NEGR1: variants seen among roughly 807,000 people sequenced by gnomAD.
NEGR1 encodes neuronal growth regulator 1.
In NEGR1, 10 loss-of-function variants were observed where a neutral mutation model predicts 40.9. That is an observed-to-expected ratio of 0.24 (90% CI 0.15 to 0.42). The LOEUF is 0.42. Ranked by LOEUF, NEGR1 falls within the 10% of genes least tolerant of loss-of-function variation. The pLI, the probability that NEGR1 is intolerant of heterozygous loss-of-function variation, is 1.00. For missense variants in NEGR1, 352 were observed against 438.9 expected (o/e 0.80, Z 1.77); for synonymous variants, 185 against 166.8 (o/e 1.11, Z -0.84).
chr1:71,698,276 GTTC>G, intron 3 of NEGR1, 137 bp from the exon 4 acceptor site: 1 of 739,666 alleles, frequency 1.4e-6, no homozygotes, highest in East Asian at 2.7e-5. Context: ...TAAACCTTTT[GTTC>G]TTCTATGTTC....
At chr1:71,979,823 G>A (rs1382493666) in intron 1 of NEGR1, among the ~76,000 whole-genome samples, 2 of 151,938 alleles carry the variant, frequency 1.3e-5, no homozygotes, top group Admixed American at 6.6e-5. Flanking sequence ...GGAATGAGGG[G>A]TGGGCTGAAA....
intron 1 of NEGR1, among the ~76,000 whole-genome samples, chr1:72,124,880 T>G (rs1570003654): frequency 6.6e-6 from 1 of 152,260 alleles, no homozygotes; most frequent in African/African-American, 2.4e-5. Flanking sequence ...TATATGATTT[T>G]AAAAGACTAT....
chr1:72,179,091 A>G (rs1340536844), intron 1 of NEGR1, among the ~76,000 whole-genome samples: 1 of 152,008 alleles, frequency 6.6e-6, no homozygotes, highest in African/African-American at 2.4e-5. Flanking sequence ...GCTGATGTCC[A>G]GAATGGTATT....
At chr1:71,597,470 C>CTGTGTGTGTGTGTGTGTGTGTGTG (rs1365847832) in intron 5 of NEGR1, among the ~76,000 whole-genome samples, 1 of 24,794 alleles carries the variant, frequency 4.0e-5, no homozygotes, top group African/African-American at 7.4e-5. Context: ...CTCTCTCTCT[C>CTGTGTGTGTGTGTGTGTGTGTGTG]TCTGTGTGTG....
intron 6 of NEGR1, among the ~76,000 whole-genome samples, chr1:71,510,000 G>C (rs1282951550): frequency 6.6e-6 from 1 of 152,190 alleles, no homozygotes; most frequent in East Asian, 1.9e-4. Context: ...TACTGCCCCA[G>C]ATGGGACCAT....
intron 6 of NEGR1, among the ~76,000 whole-genome samples, chr1:71,574,762 C>A (rs1452663261): frequency 1.3e-5 from 2 of 152,076 alleles, no homozygotes; most frequent in African/African-American, 4.8e-5. Context: ...AATTTATTTC[C>A]CTTAGCCCAT....
At chr1:71,658,723 C>T (rs1417801979) in intron 4 of NEGR1, among the ~76,000 whole-genome samples, 1 of 152,000 alleles carries the variant, frequency 6.6e-6, no homozygotes, top group Non-Finnish European at 1.5e-5. Context: ...AAAGTATATA[C>T]CCTTATCTTA....
intron 6 of NEGR1, among the ~76,000 whole-genome samples, chr1:71,440,005 G>T (rs532306411): frequency 1.9e-3 from 289 of 151,830 alleles, no homozygotes; most frequent in Non-Finnish European, 3.0e-3. Flanking sequence ...TAATTTTATT[G>T]TTTTATTTTA....
chr1:72,268,612 T>C (rs1342240317), intron 1 of NEGR1, among the ~76,000 whole-genome samples: 1 of 151,240 alleles, frequency 6.6e-6, no homozygotes, highest in African/African-American at 2.4e-5. Context: ...AAATAACAGA[T>C]TACCTATAGG....
At position 71,399,866 on chromosome 1, in the gene NEGR1, A is replaced by AT. The variant is rs1451678926; in HGVS notation, c.*7579dup. On this transcript the variant is annotated 3_prime_UTR_variant, in exon 7 of 7. Transcript: ENST00000357731. ...AAGAGTTCTGTGGCTCTTACTAGGT[A>AT]TTTTTAGAACAATCAAGAGAATTTT... 3 of 152,196 alleles carry AT rather than the reference A, an allele frequency of 2.0e-5. No homozygotes were observed. Among genetic ancestry groups the AT allele is most frequent in the Non-Finnish European group, 4.4e-5 (3 of 68,024 alleles). The allele number at this position is 152,196 out of a possible 1,614,324, so 9.4% of individuals were successfully genotyped here. A position where few individuals can be genotyped will look rare whatever the true frequency, so the allele number is the denominator to read the frequency against.
rs67987005 is a variant in NEGR1, at chr1:72,077,655, A to AATAT, written c.177-142345_177-142344insATAT. 1.7e-3 allele frequency among the ~76,000 whole-genome samples: 263 copies of AATAT among 151,010 alleles called. 32 individuals carry two copies. The highest frequency in any genetic ancestry group is 3.4e-3 in the Middle Eastern group (1 of 290). The stretch of plus-strand genomic sequence containing the variant: ...AAATAAATAAATAAATAAATAAATA[A>AATAT]ATAAATAAATAGGCCGGTGCAGTGG... On this transcript the variant is annotated intron_variant, in intron 1 of 6. Coordinates refer to ENST00000357731, the MANE Select transcript of NEGR1 (RefSeq NM_173808.3).
intron 6 of NEGR1, among the ~76,000 whole-genome samples, chr1:71,510,142 T>C (rs1361590135): frequency 2.6e-5 from 4 of 152,218 alleles, no homozygotes; most frequent in Admixed American, 2.0e-4. Flanking sequence ...TCAATCCTTA[T>C]ATCTCTCATA....
intron 1 of NEGR1, among the ~76,000 whole-genome samples, chr1:72,268,930 C>A (rs1655749749): frequency 6.6e-6 from 1 of 151,336 alleles, no homozygotes; most frequent in South Asian, 2.1e-4. Context: ...AAAAATAGTA[C>A]TGCACTGGAA....
At chr1:72,223,285 C>T (rs1037093119) in intron 1 of NEGR1, among the ~76,000 whole-genome samples, 3 of 152,084 alleles carry the variant, frequency 2.0e-5, no homozygotes, top group Admixed American at 2.0e-4. Context: ...ATTTGGTAGG[C>T]AGCAATATAA....
chr1:71,537,183 G>A (rs995553018), intron 6 of NEGR1, among the ~76,000 whole-genome samples: 1 of 151,622 alleles, frequency 6.6e-6, no homozygotes, highest in Non-Finnish European at 1.5e-5. Flanking sequence ...AGGTAGATAT[G>A]AGCATTAATT....
intron 1 of NEGR1, among the ~76,000 whole-genome samples, chr1:72,094,179 A>T (rs896953710): frequency 6.6e-6 from 1 of 152,190 alleles, no homozygotes; most frequent in Non-Finnish European, 1.5e-5. Flanking sequence ...AACTTAAAAA[A>T]TAAGCTCACA....
At chr1:71,703,721 C>A (rs1653781852) in intron 3 of NEGR1, among the ~76,000 whole-genome samples, 1 of 151,344 alleles carries the variant, frequency 6.6e-6, no homozygotes, top group Admixed American at 6.6e-5. Context: ...GAAGGCAGAG[C>A]AAGAGTACAT....
At chr1:71,866,796 G>C (rs1660126630) in intron 2 of NEGR1, among the ~76,000 whole-genome samples, 1 of 152,180 alleles carries the variant, frequency 6.6e-6, no homozygotes, top group African/African-American at 2.4e-5. Flanking sequence ...AACGTGGTAA[G>C]AAGTGATAGT....
chr1:71,564,634 T>C (rs357217), intron 6 of NEGR1, among the ~76,000 whole-genome samples: 150,341 of 152,218 alleles, frequency 0.99, 74,266 homozygotes, highest in East Asian at 1. Flanking sequence ...AATCGCAATT[T>C]TTGTTGATAG....
Sources: gnomAD v4.1 joint callset for allele counts (sites outside exome capture counted in the v4.1 genomes callset) on GRCh38, gnomAD v4.1.1 for gene constraint, MANE v1.5 for transcripts, NCBI Gene and HGNC (gene_info 2026-07-23, HGNC 2026-07-21) for gene names.